Variants in FGF12 observed in about 807,000 individuals in gnomAD.
FGF12 encodes the protein fibroblast growth factor 12.
A neutral mutation model predicts 23.6 loss-of-function variants in FGF12; 14 were observed. The ratio of observed to expected loss-of-function variants is 0.59; its 90% CI spans 0.39 to 0.93. The LOEUF (loss-of-function observed/expected upper bound fraction) is 0.93, where lower values mean the gene tolerates loss of function less well. Ranked by LOEUF, FGF12 falls within the 40% of genes least tolerant of loss-of-function variation. The pLI is 0.00. For synonymous variants in FGF12, 62 were observed against 77.3 expected, an observed-to-expected ratio of 0.80 and a Z score of 1.04; for missense variants, 175 against 217.8, an observed-to-expected ratio of 0.80 and a Z score of 1.24.
At position 192,452,985 on chromosome 3, in the gene FGF12, C is replaced by T. The variant is rs770208856; in HGVS notation, c.14-92447G>A. Among the ~76,000 whole-genome samples, 14 of 152,304 alleles carry T rather than the reference C, an allele frequency of 9.2e-5. No individual in the cohort carries two copies. The South Asian group carries it at 1.0e-3, about 11-fold the overall frequency. ...TGTGTATCTATGATGCGTATCTTTC[C>T]ATAATTCCAGACAATTTTCAGTTAC... On this transcript the variant is annotated intron_variant, in intron 2 of 5. Coordinates refer to ENST00000445105, the MANE Select transcript of FGF12 (RefSeq NM_004113.6).
intron 4 of FGF12, among the ~76,000 whole-genome samples, chr3:192,233,560 G>A (rs1459083274): frequency 3.3e-5 from 5 of 152,020 alleles, no homozygotes; most frequent in South Asian, 2.1e-4. Context: ...ATTAGGTCTC[G>A]CTTAATCCAT....
chr3:192,496,370 T>C (rs1723957540), intron 2 of FGF12, among the ~76,000 whole-genome samples: 1 of 152,074 alleles, frequency 6.6e-6, no homozygotes, highest in Non-Finnish European at 1.5e-5. Context: ...GACAAGAGTC[T>C]GATGTGACTC....
chr3:192,172,244 C>A (rs1477188034), intron 4 of FGF12, among the ~76,000 whole-genome samples: 1 of 139,832 alleles, frequency 7.2e-6, no homozygotes, highest in Non-Finnish European at 1.6e-5. Flanking sequence ...CAAAAATTAG[C>A]TGGGTGTGGT....
chr3:192,530,927 G>A (rs11710412), intron 2 of FGF12, among the ~76,000 whole-genome samples: 2 of 152,200 alleles, frequency 1.3e-5, no homozygotes, highest in African/African-American at 4.8e-5. Flanking sequence ...CAATTCTCCT[G>A]CCTCAGCCTC....
At chr3:192,509,255 C>CA (rs1373882200) in intron 2 of FGF12, among the ~76,000 whole-genome samples, 17 of 152,222 alleles carry the variant, frequency 1.1e-4, no homozygotes, top group African/African-American at 3.9e-4. Flanking sequence ...GTGCTTAACA[C>CA]AGAGTCGGGC....
chr3:192,279,550 C>T (rs536131567), intron 4 of FGF12, among the ~76,000 whole-genome samples: 62 of 152,198 alleles, frequency 4.1e-4, no homozygotes, highest in Middle Eastern at 3.4e-3. Context: ...ATATGGTCAG[C>T]AATTACACCT....
chr3:192,314,974 T>G (rs1435662289), intron 4 of FGF12, among the ~76,000 whole-genome samples: 4 of 152,216 alleles, frequency 2.6e-5, no homozygotes, highest in Non-Finnish European at 4.4e-5. Context: ...AGAACTCTTC[T>G]GGATGAACCA....
At chr3:192,546,752 C>T (rs1725504338) in intron 2 of FGF12, among the ~76,000 whole-genome samples, 1 of 25,800 alleles carries the variant, frequency 3.9e-5, no homozygotes, top group Non-Finnish European at 7.0e-5. Context: ...TGACTATTTA[C>T]AAAATAGTAG....
chr3:192,662,629 T>C lies in FGF12; in HGVS notation c.13+64552A>G, dbSNP rs112111326. Reference sequence around the variant, plus strand: ...AACTCTGTCTCCAGTTTTTACAGATTCAGTGCCTCAAGCTGGGGTTTCTAC... The same window carrying C: ...AACTCTGTCTCCAGTTTTTACAGATCCAGTGCCTCAAGCTGGGGTTTCTAC... On this transcript the variant is annotated intron_variant, in intron 2 of 5. Transcript: ENST00000445105. Among the ~76,000 whole-genome samples, 567 of 152,296 alleles carry C rather than the reference T, an allele frequency of 3.7e-3. 3 individuals are homozygous for C. Among genetic ancestry groups the C allele is most frequent in the African/African-American group, 0.013 (537 of 41,558 alleles).
At chr3:192,366,488 C>T (rs1718990366) in intron 2 of FGF12, among the ~76,000 whole-genome samples, 1 of 152,170 alleles carries the variant, frequency 6.6e-6, no homozygotes, top group African/African-American at 2.4e-5. Flanking sequence ...TCCTTCGTGG[C>T]AGGCACACTT....
At chr3:192,260,702 G>T (rs1034847878) in intron 4 of FGF12, among the ~76,000 whole-genome samples, 2 of 152,134 alleles carry the variant, frequency 1.3e-5, no homozygotes, top group Non-Finnish European at 2.9e-5. Context: ...TTGCTGTGTT[G>T]TAAGTCCCCT....
chr3:192,181,567 T>G (rs1440339927), intron 4 of FGF12, among the ~76,000 whole-genome samples: 1 of 151,906 alleles, frequency 6.6e-6, no homozygotes, highest in Non-Finnish European at 1.5e-5. Context: ...TCATGGTCAG[T>G]TACGCAGATA....
At chr3:192,638,711 T>C (rs577215485) in intron 2 of FGF12, among the ~76,000 whole-genome samples, 1 of 152,360 alleles carries the variant, frequency 6.6e-6, no homozygotes, top group South Asian at 2.1e-4. Flanking sequence ...AAGGTAGGTA[T>C]TAGTTCTCTG....
intron 2 of FGF12, among the ~76,000 whole-genome samples, chr3:192,656,478 C>T (rs535117428): frequency 4.6e-5 from 7 of 152,248 alleles, no homozygotes; most frequent in East Asian, 3.9e-4. Flanking sequence ...GGTTCTCAGC[C>T]GGGGTGATCT....
chr3:192,150,923 C>T (rs1212211983), intron 5 of FGF12, among the ~76,000 whole-genome samples: 5 of 142,440 alleles, frequency 3.5e-5, no homozygotes, highest in East Asian at 2.0e-4. Context: ...GCCATTTTCA[C>T]GACATTGATT....
intron 2 of FGF12, among the ~76,000 whole-genome samples, chr3:192,651,000 G>GACAATCAACTC (rs1716195836): frequency 1.3e-5 from 2 of 152,174 alleles, no homozygotes; most frequent in African/African-American, 2.4e-5. Context: ...AAGTTGCTAA[G>GACAATCAACTC]AAGATATTGA....
chr3:192,705,420 G>A (rs78715939), intron 2 of FGF12, among the ~76,000 whole-genome samples: 3,786 of 152,238 alleles, frequency 0.025, 89 homozygotes, highest in Middle Eastern at 0.11. Context: ...AGAATTAACA[G>A]GTGAAATTCT....
At chr3:192,603,516 C>T (rs1714204511) in intron 2 of FGF12, among the ~76,000 whole-genome samples, 1 of 151,954 alleles carries the variant, frequency 6.6e-6, no homozygotes, top group African/African-American at 2.4e-5. Context: ...ATTCTATTTT[C>T]CATAAGTGTT....
chr3:192,718,161 CTTT>C (rs71177369), intron 2 of FGF12, among the ~76,000 whole-genome samples: 1 of 77,970 alleles, frequency 1.3e-5, no homozygotes, highest in Non-Finnish European at 2.5e-5. Context: ...GTTAGTCTTT[CTTT>C]TTTTTTTTTT....
Sources: allele counts gnomAD v4.1 joint callset (sites outside exome capture counted in the v4.1 genomes callset), GRCh38; gene constraint gnomAD v4.1.1; transcripts MANE v1.5; gene names NCBI Gene and HGNC (gene_info 2026-07-23, HGNC 2026-07-21).